Variants in PYGL observed in about 807,000 individuals in gnomAD.
The protein encoded by PYGL is glycogen phosphorylase L.
In PYGL, 90 loss-of-function variants were observed where a neutral mutation model predicts 100.1. The observed-to-expected ratio is 0.90, with a 90% CI of 0.76 to 1.07. The LOEUF (loss-of-function observed/expected upper bound fraction) is 1.07, where lower values mean the gene tolerates loss of function less well. Ranked by LOEUF, PYGL falls within the 50% of genes least tolerant of loss-of-function variation. PYGL has a pLI of 0.00. For synonymous variants in PYGL, 373 were observed against 393.0 expected, an observed-to-expected ratio of 0.95 and a Z score of 0.60; for missense variants, 1,016 against 1,057.6, an observed-to-expected ratio of 0.96 and a Z score of 0.55.
At chr14:50,943,817 G>T (rs545950638) in intron 1 of PYGL, among the ~76,000 whole-genome samples, 6 of 152,362 alleles carry the variant, frequency 3.9e-5, no homozygotes, top group African/African-American at 1.4e-4. Context: ...GTCACCTCTT[G>T]ATTAAATGCT....
chr14:50,944,245 G>A lies in PYGL; in HGVS notation c.159C>T (p.Tyr53=), dbSNP rs1367376491. Residue 53 remains tyrosine, a synonymous_variant, in exon 1 of 20, where the codon TAC becomes TAT. Transcript: ENST00000216392. ...CGCGCACCGTGTGCGCCAGCGCGAA[G>A]TAGTAGTCGCGGGTGGTGGCCACGT... ...DRNVATTRDY[Y]FALAHTVRDH... 8 of 1,613,644 alleles carry A rather than the reference G, an allele frequency of 5.0e-6. No homozygotes were observed. The highest frequency in any genetic ancestry group is 6.8e-6 in the Non-Finnish European group (8 of 1,179,918).
intron 16 of PYGL, 77 bp from the exon 17 acceptor site, chr14:50,910,179 T>C: frequency 6.9e-7 from 1 of 1,456,430 alleles, no homozygotes; most frequent in Non-Finnish European, 9.6e-7. Flanking sequence ...ATTTATTAAG[T>C]TGGGCTGTTT....
chr14:50,922,544 T>A (rs2050511728), intron 5 of PYGL, among the ~76,000 whole-genome samples: 3 of 152,108 alleles, frequency 2.0e-5, no homozygotes, highest in Non-Finnish European at 4.4e-5. Flanking sequence ...GAAGCATAAT[T>A]AAGGCAGCCC....
chr14:50,913,150 G>C lies in PYGL; in HGVS notation c.1519-20C>G. The stretch of plus-strand genomic sequence containing the variant: ...AATTTTCTTTCAATTCAAAGGAAAA[G>C]ATGACTTCAATTTGGGGATGGTAAT... On this transcript the variant is annotated intron_variant, in intron 12 of 19. Coordinates refer to ENST00000216392, the MANE Select transcript of PYGL (RefSeq NM_002863.5). 1.9e-6 allele frequency: 3 copies of C among 1,608,676 alleles called. No individual in the cohort carries two copies. The highest frequency in any genetic ancestry group is 2.6e-6 in the Non-Finnish European group (3 of 1,175,590).
chr14:50,935,307 C>T, intron 2 of PYGL, 122 bp from the exon 3 acceptor site: 2 of 802,332 alleles, frequency 2.5e-6, no homozygotes, highest in South Asian at 2.9e-5. Flanking sequence ...AATCTAGCGT[C>T]AGCTCCCTTG....
chr14:50,907,075 A>C (rs2050343271), intron 19 of PYGL, among the ~76,000 whole-genome samples: 1 of 152,164 alleles, frequency 6.6e-6, no homozygotes, highest in Admixed American at 6.5e-5. Context: ...ATTCACTAAA[A>C]GTCTCTCCTA....
chr14:50,936,218 C>A (rs532719512), intron 2 of PYGL, among the ~76,000 whole-genome samples: 7 of 152,256 alleles, frequency 4.6e-5, no homozygotes, highest in African/African-American at 1.7e-4. Context: ...TTAGGCAACC[C>A]ATGAAACTGG....
chr14:50,943,082 T>C (rs1345152964), intron 1 of PYGL, among the ~76,000 whole-genome samples: 1 of 152,230 alleles, frequency 6.6e-6, no homozygotes. Flanking sequence ...ACTGGGATTA[T>C]AGACCATTTT....
At position 50,944,239 on chromosome 14, in the gene PYGL, C is replaced by G; in HGVS notation, c.165G>C (p.Ala55=). 1 of 1,613,594 alleles carries G rather than the reference C, an allele frequency of 6.2e-7. No homozygotes were observed. Among genetic ancestry groups the G allele is most frequent in the Non-Finnish European group, 8.5e-7 (1 of 1,179,884 alleles). The change falls in exon 1 of 20, where the codon GCG becomes GCC. Residue 55 remains alanine (A), a synonymous_variant. Coordinates refer to ENST00000216392, the MANE Select transcript of PYGL (RefSeq NM_002863.5). ...GGTGGTCGCGCACCGTGTGCGCCAGCGCGAAGTAGTAGTCGCGGGTGGTGG... is the reference window on the plus strand; with the variant it reads ...GGTGGTCGCGCACCGTGTGCGCCAGGGCGAAGTAGTAGTCGCGGGTGGTGG... ...NVATTRDYYF[A]LAHTVRDHLV... is the part of the protein sequence containing the mutation.
At chr14:50,941,652 G>T (rs985719323) in intron 1 of PYGL, among the ~76,000 whole-genome samples, 1 of 152,150 alleles carries the variant, frequency 6.6e-6, no homozygotes, top group Non-Finnish European at 1.5e-5. Context: ...AGGCCGAGGT[G>T]GGTGGATCAC....
chr14:50,928,791 C>T (rs902110731), intron 4 of PYGL, among the ~76,000 whole-genome samples: 1 of 139,688 alleles, frequency 7.2e-6, no homozygotes, highest in East Asian at 2.8e-4. Flanking sequence ...AACAGTGTTA[C>T]GTGTTGAGTG....
chr14:50,916,056 T>C, intron 9 of PYGL, 85 bp from the exon 10 acceptor site: 1 of 1,563,606 alleles, frequency 6.4e-7, no homozygotes, highest in South Asian at 1.1e-5. Context: ...CCCTGCCCTG[T>C]CTGCAACAGG....
intron 9 of PYGL, 61 bp downstream of exon 9, chr14:50,916,581 C>T: frequency 6.9e-7 from 1 of 1,442,130 alleles, no homozygotes; most frequent in Non-Finnish European, 9.8e-7. Context: ...GAGTTTTTGG[C>T]AGTCTTTCAA....
rs139889131 is a variant in PYGL, at chr14:50,916,051, C to T, written c.1093-80G>A. On this transcript the variant is annotated intron_variant, in intron 9 of 19. Coordinates refer to ENST00000216392, the MANE Select transcript of PYGL (RefSeq NM_002863.5). The stretch of plus-strand genomic sequence containing the variant: ...CGGGCCAAACCCTTCTTCAACCCTG[C>T]CCTGTCTGCAACAGGACCATTCCAA... 4.9e-5 allele frequency: 77 copies of T among 1,577,998 alleles called. No individual in the cohort carries two copies. In the African/African-American group the frequency reaches 8.1e-4, roughly 17 times the overall value.
At chr14:50,932,087 T>C (rs1209802535) in intron 3 of PYGL, among the ~76,000 whole-genome samples, 1 of 152,210 alleles carries the variant, frequency 6.6e-6, no homozygotes, top group African/African-American at 2.4e-5. Flanking sequence ...GAAGCCAACC[T>C]GCACCAGATA....
intron 7 of PYGL, 135 bp from the exon 8 acceptor site, chr14:50,917,240 A>C: frequency 3.1e-6 from 3 of 972,930 alleles, no homozygotes; most frequent in Non-Finnish European, 3.2e-6. Flanking sequence ...TTTGAATGCC[A>C]AACTGTGAGC....
intron 9 of PYGL, among the ~76,000 whole-genome samples, 184 bp downstream of exon 9, chr14:50,916,458 T>C (rs2142797884): frequency 6.6e-6 from 1 of 152,350 alleles, no homozygotes; most frequent in African/African-American, 2.4e-5. Flanking sequence ...TCATTTATTT[T>C]ATAGTCTTAC....
At chr14:50,931,591 A>G in intron 4 of PYGL, 82 bp downstream of exon 4, 1 of 1,261,840 alleles carries the variant, frequency 7.9e-7, no homozygotes, top group Admixed American at 1.7e-5. Context: ...TCTATGTTAA[A>G]GGTCCATATA....
intron 12 of PYGL, 174 bp from the exon 13 acceptor site, chr14:50,913,304 CTT>C (rs2050416794): frequency 1.9e-6 from 1 of 526,050 alleles, no homozygotes; most frequent in East Asian, 3.2e-5. Context: ...GAGAAGAACA[CTT>C]TTGCTAGTAT....
Sources: allele counts gnomAD v4.1 joint callset (sites outside exome capture counted in the v4.1 genomes callset), GRCh38; gene constraint gnomAD v4.1.1; transcripts MANE v1.5; gene names NCBI Gene and HGNC (gene_info 2026-07-23, HGNC 2026-07-21).